Variants in CCDC7 observed in about 807,000 individuals in gnomAD.
CCDC7 encodes coiled-coil domain-containing protein 7.
Under a neutral mutation model 196.9 loss-of-function variants are expected in CCDC7, and 183 were observed. That is an observed-to-expected ratio of 0.93 (90% CI 0.82 to 1.05). CCDC7 has a LOEUF of 1.05. CCDC7 is among the 50% of genes least tolerant of loss of function. The pLI is 0.00. For missense variants in CCDC7, 1,540 were observed against 1,482.2 expected (o/e 1.04, Z -0.64); for synonymous variants, 525 against 484.6 (o/e 1.08, Z -1.10).
At chr10:32,538,815 G>A (rs914124362) in intron 11 of CCDC7, among the ~76,000 whole-genome samples, 3 of 152,124 alleles carry the variant, frequency 2.0e-5, no homozygotes, top group African/African-American at 7.2e-5. Context: ...AATCAACTTT[G>A]CATCCCAGGG....
chr10:32,684,503 A>G (rs2076241610), intron 21 of CCDC7, among the ~76,000 whole-genome samples: 1 of 152,106 alleles, frequency 6.6e-6, no homozygotes, highest in South Asian at 2.1e-4. Flanking sequence ...CTCTGTGCCA[A>G]TCCCAGGCAG....
intron 13 of CCDC7, among the ~76,000 whole-genome samples, chr10:32,561,008 A>C (rs2055477240): frequency 6.7e-6 from 1 of 149,952 alleles, no homozygotes; most frequent in Non-Finnish European, 1.5e-5. Context: ...AAAAAAAGGC[A>C]GGGATTGCAA....
intron 18 of CCDC7, among the ~76,000 whole-genome samples, chr10:32,633,911 G>T (rs910352927): frequency 2.0e-5 from 3 of 151,000 alleles, no homozygotes; most frequent in African/African-American, 7.3e-5. Context: ...TGTTTTTCTT[G>T]TATTACATTT....
At chr10:32,837,099 C>A (rs943857673) in intron 33 of CCDC7, among the ~76,000 whole-genome samples, 1 of 152,154 alleles carries the variant, frequency 6.6e-6, no homozygotes, top group Non-Finnish European at 1.5e-5. Flanking sequence ...TAAAGAGCTT[C>A]TGCACAGCAA....
In CCDC7 at chr10:32,843,454, TGAACA is replaced by T. The variant is rs573029195; in HGVS notation, c.3353-1788_3353-1784del. ...CTGTGGTCAGAGCTACACAAATATG[TGAACA>T]TCTTAAAAAACATTGAATCGAACAC... On this transcript the variant is annotated intron_variant, in intron 33 of 41. Coordinates refer to ENST00000639629, the Ensembl canonical transcript of CCDC7. Among the ~76,000 whole-genome samples, 86 of 152,136 alleles carry T rather than the reference TGAACA, an allele frequency of 5.7e-4. No individual in the cohort carries two copies. In the South Asian group the frequency reaches 0.018, roughly 31 times the overall value.
chr10:32,633,913 A>G (rs1227525680), intron 18 of CCDC7, among the ~76,000 whole-genome samples: 1 of 151,706 alleles, frequency 6.6e-6, no homozygotes, highest in Non-Finnish European at 1.5e-5. Flanking sequence ...TTTTTCTTGT[A>G]TTACATTTCA....
At chr10:32,582,106 C>A (rs973880346) in intron 16 of CCDC7, among the ~76,000 whole-genome samples, 2 of 103,750 alleles carry the variant, frequency 1.9e-5, no homozygotes, top group Non-Finnish European at 4.4e-5. Context: ...ACTGTCAGCA[C>A]TATATATATA....
At chr10:32,863,625 A>G (rs1398942972) in intron 41 of CCDC7, among the ~76,000 whole-genome samples, 4 of 152,006 alleles carry the variant, frequency 2.6e-5, no homozygotes, top group Non-Finnish European at 5.9e-5. Flanking sequence ...CAAGGACTCC[A>G]GGACTCCAGG....
chr10:32,758,351 A>T (rs1017045380), intron 28 of CCDC7, among the ~76,000 whole-genome samples: 4 of 152,232 alleles, frequency 2.6e-5, no homozygotes, highest in African/African-American at 9.6e-5. Flanking sequence ...AAAATCCTCA[A>T]TGAAATACTG....
At chr10:32,868,814 T>C (rs1013282930) in intron 41 of CCDC7, among the ~76,000 whole-genome samples, 1 of 148,008 alleles carries the variant, frequency 6.8e-6, no homozygotes, top group African/African-American at 2.5e-5. Context: ...TGAGAACATG[T>C]GGTGTTTGGT....
intron 9 of CCDC7, among the ~76,000 whole-genome samples, chr10:32,497,403 C>G (rs756971795): frequency 3.9e-5 from 6 of 152,122 alleles, no homozygotes; most frequent in Middle Eastern, 3.2e-3. Flanking sequence ...CAGTTCTGCT[C>G]CGATCTTAGT....
chr10:32,583,401 A>G, intron 17 of CCDC7, 94 bp downstream of exon 18: 1 of 822,328 alleles, frequency 1.2e-6, no homozygotes, highest in Non-Finnish European at 1.6e-6. Context: ...AAAATTCAAT[A>G]TTTTCTTATT....
intron 41 of CCDC7, among the ~76,000 whole-genome samples, chr10:32,861,133 A>AAAAAAAAAAAC (rs1436967851): frequency 6.6e-6 from 1 of 150,744 alleles, no homozygotes. Context: ...AAAAAAAAAA[A>AAAAAAAAAAAC]AGAAAGCTGA....
At chr10:32,515,136 T>C (rs576986856) in intron 9 of CCDC7, among the ~76,000 whole-genome samples, 23 of 152,342 alleles carry the variant, frequency 1.5e-4, no homozygotes, top group African/African-American at 5.3e-4. Flanking sequence ...TTAATAATCT[T>C]AAGATAGCAA....
At chr10:32,447,902 A>C (rs2031824398), upstream of CCDC7, among the ~76,000 whole-genome samples, 1 of 152,168 alleles carries the variant, frequency 6.6e-6, no homozygotes, top group African/African-American at 2.4e-5. Context: ...ACTCTGTCTC[A>C]AAAAAACGAA....
At chr10:32,790,809 C>T (rs200957492) in intron 29 of CCDC7, among the ~76,000 whole-genome samples, 27 of 152,252 alleles carry the variant, frequency 1.8e-4, no homozygotes, top group Non-Finnish European at 3.1e-4. Flanking sequence ...AGATTTGCAT[C>T]CACCTGTGCC....
At chr10:32,499,324 A>G (rs1015989530) in intron 9 of CCDC7, 2 of 152,082 alleles carry the variant, frequency 1.3e-5, no homozygotes, top group African/African-American at 4.8e-5. Flanking sequence ...GGATTGGACA[A>G]TGTTTGCAAT....
intron 28 of CCDC7, among the ~76,000 whole-genome samples, chr10:32,777,291 C>T (rs911576653): frequency 2.0e-5 from 3 of 152,108 alleles, no homozygotes; most frequent in Admixed American, 1.3e-4. Context: ...TTGATGAGCA[C>T]CTACGTTGAT....
intron 18 of CCDC7, among the ~76,000 whole-genome samples, chr10:32,633,236 C>T (rs112985621): frequency 0.057 from 8,135 of 143,792 alleles, 718 homozygotes; most frequent in African/African-American, 0.2. Context: ...CACACACACA[C>T]ATTCATACAC....
Sources: allele counts gnomAD v4.1 joint callset (sites outside exome capture counted in the v4.1 genomes callset), GRCh38; gene constraint gnomAD v4.1.1; transcripts MANE v1.5; gene names NCBI Gene and HGNC (gene_info 2026-07-23, HGNC 2026-07-21).